FSIP1: variants seen among roughly 807,000 people sequenced by gnomAD.
FSIP1 encodes the protein fibrous sheath interacting protein 1.
In FSIP1, 65 loss-of-function variants were observed where a neutral mutation model predicts 60.9. The observed-to-expected ratio is 1.07, with a 90% CI of 0.87 to 1.31. The LOEUF (loss-of-function observed/expected upper bound fraction) is 1.31, where lower values mean the gene tolerates loss of function less well. Among genes scored for constraint, FSIP1 ranks in the 40% most tolerant of loss-of-function variants. The pLI is 0.00. For synonymous variants in FSIP1, 209 were observed against 221.2 expected (o/e 0.94, Z 0.49); for missense variants, 675 against 665.5 (o/e 1.01, Z -0.16).
intron 10 of FSIP1, among the ~76,000 whole-genome samples, chr15:39,674,921 G>A (rs970864124): frequency 1.3e-5 from 2 of 151,996 alleles, no homozygotes; most frequent in African/African-American, 4.8e-5. Flanking sequence ...ACTGGGAGAG[G>A]ATAGCTCCCA....
intron 10 of FSIP1, among the ~76,000 whole-genome samples, chr15:39,648,249 T>C (rs2140431317): frequency 6.6e-6 from 1 of 151,426 alleles, no homozygotes; most frequent in South Asian, 2.1e-4. Flanking sequence ...AAACTTGAGA[T>C]TGTACTGGCA....
At chr15:39,738,313 A>G in intron 7 of FSIP1, 112 bp from the exon 8 acceptor site, 1 of 632,540 alleles carries the variant, frequency 1.6e-6, no homozygotes, top group Non-Finnish European at 2.6e-6. Context: ...AAAAGTTGCA[A>G]GATTAGGCAT....
At chr15:39,709,412 A>G (rs1443485349) in intron 10 of FSIP1, among the ~76,000 whole-genome samples, 1 of 152,266 alleles carries the variant, frequency 6.6e-6, no homozygotes, top group African/African-American at 2.4e-5. Context: ...CATTCTCCTA[A>G]AAAGTGTTAC....
At position 39,696,109 on chromosome 15, in the gene FSIP1, C is replaced by T. The variant is rs993445940; in HGVS notation, c.1188+17335G>A. Reference sequence around the variant, plus strand: ...AAGAAACAAAAAGCAGGCTGCAATACCCAGCATATATTTCTCACAAATGAC... The same window carrying T: ...AAGAAACAAAAAGCAGGCTGCAATATCCAGCATATATTTCTCACAAATGAC... On this transcript the variant is annotated intron_variant, in intron 10 of 11. Coordinates refer to ENST00000350221, the MANE Select transcript of FSIP1 (RefSeq NM_152597.5). Among the ~76,000 whole-genome samples, 7 of 152,028 alleles carry T rather than the reference C, an allele frequency of 4.6e-5. No individual in the cohort carries two copies. The East Asian group carries it at 1.2e-3, about 25-fold the overall frequency.
intron 11 of FSIP1, among the ~76,000 whole-genome samples, chr15:39,610,749 A>C (rs1178092138): frequency 6.6e-6 from 1 of 152,254 alleles, no homozygotes; most frequent in Non-Finnish European, 1.5e-5. Flanking sequence ...ATAATATTCA[A>C]GGGAGTCCCA....
intron 5 of FSIP1, 41 bp from the exon 6 acceptor site, chr15:39,741,941 A>G (rs1338988067): frequency 1.9e-6 from 2 of 1,061,842 alleles, no homozygotes; most frequent in Non-Finnish European, 2.9e-6. Flanking sequence ...CTCACAAAAT[A>G]AATTAAGTAG....
Position 39,765,625 on chromosome 15 carries a change from T to C in FSIP1, c.432A>G (p.Leu144=), listed in dbSNP as rs1222768874. The change falls in exon 4 of 12, where the codon CTA becomes CTG. Residue 144 remains leucine (L), a synonymous_variant. Coordinates refer to ENST00000350221, the MANE Select transcript of FSIP1 (RefSeq NM_152597.5). The part of the protein sequence containing the change: ...RREKEIKKQG[L]EMRIKLWEEI... ...CTTCCCACAGCTTTATTCTCATTTC[T>C]AGACCTTGCTTCTTAATTTCTTTTT... 6.3e-7 allele frequency: 1 copy of C among 1,599,182 alleles called. No homozygotes were observed. The highest frequency in any genetic ancestry group is 8.5e-7 in the Non-Finnish European group (1 of 1,175,342).
At chr15:39,639,324 T>C (rs180693635) in intron 10 of FSIP1, among the ~76,000 whole-genome samples, 7 of 152,324 alleles carry the variant, frequency 4.6e-5, no homozygotes, top group African/African-American at 1.7e-4. Context: ...CTACCTTTTT[T>C]TTCAAGCGTT....
chr15:39,663,625 T>G (rs1487927970), intron 10 of FSIP1, among the ~76,000 whole-genome samples: 4 of 152,018 alleles, frequency 2.6e-5, no homozygotes, highest in African/African-American at 9.7e-5. Flanking sequence ...GGAATGAAAA[T>G]GGACTAAACC....
intron 9 of FSIP1, among the ~76,000 whole-genome samples, chr15:39,719,454 T>A (rs1281897576): frequency 6.6e-6 from 1 of 152,200 alleles, no homozygotes; most frequent in Non-Finnish European, 1.5e-5. Context: ...AGATTCTGAG[T>A]TTATCCTTAG....
At chr15:39,653,116 C>T (rs1159944472) in intron 10 of FSIP1, among the ~76,000 whole-genome samples, 2 of 146,220 alleles carry the variant, frequency 1.4e-5, no homozygotes, top group Non-Finnish European at 3.0e-5. Context: ...GCAGAGGTTA[C>T]AGTGAGTGGA....
chr15:39,685,581 C>A (rs1056376289), intron 10 of FSIP1, among the ~76,000 whole-genome samples: 4 of 152,052 alleles, frequency 2.6e-5, no homozygotes, highest in African/African-American at 9.7e-5. Flanking sequence ...AACCTCAATA[C>A]AAGTATATGT....
chr15:39,703,984 G>T (rs1371247772), intron 10 of FSIP1, among the ~76,000 whole-genome samples: 1 of 152,114 alleles, frequency 6.6e-6, no homozygotes, highest in Non-Finnish European at 1.5e-5. Context: ...TAAGGTTTCT[G>T]CATTAAATGA....
chr15:39,726,554 C>T (rs200722287), intron 9 of FSIP1, 35 bp downstream of exon 9: 4 of 1,533,412 alleles, frequency 2.6e-6, no homozygotes, highest in East Asian at 2.2e-5. Context: ...CTTTAGCACA[C>T]ATTAACTTGA....
intron 10 of FSIP1, among the ~76,000 whole-genome samples, chr15:39,669,798 T>C (rs1893644238): frequency 6.6e-6 from 1 of 152,226 alleles, no homozygotes; most frequent in Admixed American, 6.5e-5. Flanking sequence ...AAGCTGGTTC[T>C]ATAAGTGCTT....
At chr15:39,748,713 A>G (rs1897073841) in intron 5 of FSIP1, among the ~76,000 whole-genome samples, 1 of 152,224 alleles carries the variant, frequency 6.6e-6, no homozygotes, top group African/African-American at 2.4e-5. Flanking sequence ...ACATTATAAA[A>G]GAAGAAAGAT....
intron 10 of FSIP1, among the ~76,000 whole-genome samples, chr15:39,660,834 A>T (rs1893266928): frequency 6.6e-6 from 1 of 152,198 alleles, no homozygotes; most frequent in Non-Finnish European, 1.5e-5. Flanking sequence ...AGGTTGAGGC[A>T]GGTGGATTAC....
chr15:39,748,322 T>C (rs17643920), intron 5 of FSIP1, among the ~76,000 whole-genome samples: 43,405 of 152,128 alleles, frequency 0.29, 7,130 homozygotes, highest in Non-Finnish European at 0.38. Flanking sequence ...AATAAGGACA[T>C]TTTGCACATT....
At chr15:39,682,261 CA>C (rs1894195965) in intron 10 of FSIP1, among the ~76,000 whole-genome samples, 1 of 152,076 alleles carries the variant, frequency 6.6e-6, no homozygotes, top group African/African-American at 2.4e-5. Flanking sequence ...TATGGTCTGA[CA>C]TTTTTATATG....
Sources: allele counts gnomAD v4.1 joint callset (sites outside exome capture counted in the v4.1 genomes callset), GRCh38; gene constraint gnomAD v4.1.1; transcripts MANE v1.5; gene names NCBI Gene and HGNC (gene_info 2026-07-23, HGNC 2026-07-21).